Variants in GNL3L observed in about 807,000 individuals in gnomAD.
GNL3L encodes guanine nucleotide-binding protein-like 3-like protein.
In GNL3L, 4 loss-of-function variants were observed where a neutral mutation model predicts 42.9. The observed-to-expected ratio is 0.09, with a 90% confidence interval of 0.05 to 0.21. The LOEUF (loss-of-function observed/expected upper bound fraction) is 0.21, where lower values mean the gene tolerates loss of function less well. GNL3L is among the 10% of genes least tolerant of loss of function. The pLI is 1.00. For missense variants in GNL3L, 412 were observed against 481.7 expected, an observed-to-expected ratio of 0.86 and a Z score of 1.36; for synonymous variants, 159 against 176.3, an observed-to-expected ratio of 0.90 and a Z score of 0.78.
chrX:54,640,842 C>T, the GNL3L span, among the ~76,000 whole-genome samples: 108 of 112,234 alleles, frequency 9.6e-4, no homozygotes, highest in African/African-American at 3.3e-3. Context: ...TGCAGCAATG[C>T]AGAAGTTTAT....
intron 8 of GNL3L, 144 bp from the exon 9 acceptor site, chrX:54,548,085 C>A: frequency 2.1e-6 from 1 of 469,226 alleles, no homozygotes; most frequent in Non-Finnish European, 3.7e-6. Flanking sequence ...GGAAATGACA[C>A]GTGTTCAAGA....
intron 4 of GNL3L, 31 bp from the exon 5 acceptor site, chrX:54,541,242 G>T (rs1483050771): frequency 9.8e-7 from 1 of 1,017,348 alleles, no homozygotes; most frequent in Non-Finnish European, 1.4e-6. Context: ...GACCCAGTCA[G>T]CTCCAGTACC....
downstream of GNL3L, among the ~76,000 whole-genome samples, chrX:54,569,173 T>C (rs1481208067): frequency 8.9e-6 from 1 of 112,267 alleles, no homozygotes; most frequent in African/African-American, 3.2e-5. Flanking sequence ...ATAAGGATAT[T>C]GGTCTGAAGT....
Position 54,540,129 on chromosome X carries a change from G to A in GNL3L, c.82-6G>A. On this transcript the variant is annotated splice_region_variant and splice_polypyrimidine_tract_variant and intron_variant, in intron 3 of 15. Coordinates refer to ENST00000360845, the MANE Select transcript of GNL3L (RefSeq NM_001184819.2). ...CTCTGTTTTTTTTCTCTTATGTGGT[G>A]GCCAGCCTGCAAAGCAAAATGGGAA... is the stretch of plus-strand genomic sequence containing the variant. 2 of 1,168,354 alleles carry A rather than the reference G, an allele frequency of 1.7e-6. No homozygotes were observed. Among genetic ancestry groups the A allele is most frequent in the African/African-American group, 1.8e-5 (1 of 56,979 alleles).
chrX:54,637,358 G>A, the GNL3L span, among the ~76,000 whole-genome samples: 1 of 111,857 alleles, frequency 8.9e-6, no homozygotes, highest in Non-Finnish European at 1.9e-5. Flanking sequence ...GACTGCATCT[G>A]TCTTATTTAC....
downstream of GNL3L, among the ~76,000 whole-genome samples, chrX:54,569,828 A>G (rs1478999878): frequency 8.9e-6 from 1 of 112,162 alleles, no homozygotes; most frequent in Non-Finnish European, 1.9e-5. Flanking sequence ...ATTACTTAGA[A>G]CTGTGTTATT....
At chrX:54,544,489 G>A (rs1461120739) in intron 8 of GNL3L, among the ~76,000 whole-genome samples, 163 bp downstream of exon 8, 1 of 101,691 alleles carries the variant, frequency 9.8e-6, no homozygotes, top group Admixed American at 1.1e-4. Context: ...TTTTTTTTGA[G>A]ATGGAGTTTC....
chrX:54,607,318 AAGC>A (rs1215086144), intron 16 of GNL3L, among the ~76,000 whole-genome samples: 1 of 99,383 alleles, frequency 1.0e-5, no homozygotes, highest in Non-Finnish European at 2.0e-5. Flanking sequence ...AAACCCTGTC[AAGC>A]AGAAGGGCAG....
intron 16 of GNL3L, among the ~76,000 whole-genome samples, chrX:54,611,671 G>T (rs1926162669): frequency 8.9e-6 from 1 of 111,792 alleles, no homozygotes; most frequent in African/African-American, 3.2e-5. Flanking sequence ...AGTTCCTTTT[G>T]GAGTTGATTT....
chrX:54,583,724 C>G (rs1344784069), intron 16 of GNL3L, among the ~76,000 whole-genome samples: 1 of 111,007 alleles, frequency 9.0e-6, no homozygotes, highest in African/African-American at 3.3e-5. Context: ...TCACTGCAGC[C>G]TCGACCTCCC....
chrX:54,636,118 C>T, the GNL3L span, among the ~76,000 whole-genome samples: 2 of 112,155 alleles, frequency 1.8e-5, no homozygotes, highest in African/African-American at 3.2e-5. Context: ...TTTATAGCCT[C>T]AGTTCTGAGT....
intron 16 of GNL3L, among the ~76,000 whole-genome samples, chrX:54,579,390 G>A (rs1054115343): frequency 1.8e-5 from 2 of 111,166 alleles, no homozygotes; most frequent in Non-Finnish European, 3.8e-5. Flanking sequence ...TAAATTTTGA[G>A]GTTTTAAAAT....
At chrX:54,591,358 C>G (rs974895504) in intron 16 of GNL3L, among the ~76,000 whole-genome samples, 12 of 109,669 alleles carry the variant, frequency 1.1e-4, no homozygotes, top group African/African-American at 3.7e-4. Flanking sequence ...TTTGGGAGCC[C>G]AAGGCTGGCA....
intron 2 of GNL3L, 72 bp from the exon 3 acceptor site, chrX:54,538,968 C>A: frequency 3.2e-6 from 2 of 621,484 alleles, no homozygotes; most frequent in East Asian, 7.1e-5. Flanking sequence ...TGTGGCCTGG[C>A]CTTGATTCAG....
intron 2 of GNL3L, among the ~76,000 whole-genome samples, chrX:54,538,186 G>A (rs889697023): frequency 1.8e-5 from 2 of 111,177 alleles, no homozygotes; most frequent in Admixed American, 1.9e-4. Flanking sequence ...GCAAGAGTCG[G>A]TCTCAAAATA....
chrX:54,538,988 A>G lies in GNL3L; in HGVS notation c.20-52A>G. The G allele has an allele frequency of 1.3e-5, 10 of 756,595 alleles. No homozygotes were observed. In the South Asian group the frequency reaches 2.0e-4, roughly 15 times the overall value. 62.4% of individuals were successfully genotyped at this position (756,595 alleles called of 1,213,427 possible). A position where few individuals can be genotyped will look rare whatever the true frequency, so the allele number is the denominator to read the frequency against. On this transcript the variant is annotated intron_variant, in intron 2 of 15. Coordinates refer to ENST00000360845, the MANE Select transcript of GNL3L (RefSeq NM_001184819.2). ...CCTGGCCTTGATTCAGATGTCAACA[A>G]ATATCGTGTAGATGGATGACGGCTC... is the stretch of plus-strand genomic sequence containing the variant.
chrX:54,633,906 A>G, the GNL3L span, among the ~76,000 whole-genome samples: 2 of 113,023 alleles, frequency 1.8e-5, no homozygotes, highest in Non-Finnish European at 3.7e-5. Flanking sequence ...TGGATAGATA[A>G]TTCTTGGCTA....
rs750820852 is a variant in GNL3L at position 54,558,565 on chromosome X, C to A, written c.1576C>A (p.Leu526Met). 2.5e-6 allele frequency: 3 copies of A among 1,207,939 alleles called. No individual in the cohort carries two copies. In the Admixed American group the frequency reaches 6.6e-5, roughly 26 times the overall value. Residue 526 changes from leucine to methionine, a missense_variant, in exon 15 of 16, where the codon CTG (leucine) becomes ATG (methionine). Transcript: ENST00000360845. ...CTGCTCAGTGGACCGCCGCTCAGTG[C>A]TGCAGAGGATCATGGAGACGGACCC... Reference protein sequence around the residue: ...DVCSVDRRSVLQRIMETDPLQ... With the variant: ...DVCSVDRRSVMQRIMETDPLQ...
chrX:54,552,216 C>A, intron 12 of GNL3L, 76 bp from the exon 13 acceptor site: 1 of 1,075,460 alleles, frequency 9.3e-7, no homozygotes, highest in Non-Finnish European at 1.3e-6. Context: ...TTCTGGCCTG[C>A]AAACTCATCG....
Sources: allele counts gnomAD v4.1 joint callset (sites outside exome capture counted in the v4.1 genomes callset), GRCh38; gene constraint gnomAD v4.1.1; transcripts MANE v1.5; gene names NCBI Gene and HGNC (gene_info 2026-07-23, HGNC 2026-07-21).